The following CELF2 variants were observed in gnomAD, a reference collection of about 807,000 sequenced individuals.
CELF2 encodes the protein CUGBP Elav-like family member 2, also known as CUG triplet repeat RNA-binding protein 2.
In CELF2, 8 loss-of-function variants were observed where a neutral mutation model predicts 62.6. That is an observed-to-expected ratio of 0.13 (90% CI 0.07 to 0.23). CELF2 has a LOEUF of 0.23. CELF2 is among the 10% of genes least tolerant of loss of function. The probability of loss-of-function intolerance (pLI) is 1.00; values close to 1 mark genes in which losing one functional copy is unlikely to be tolerated. For synonymous variants in CELF2, 258 were observed against 250.0 expected (o/e 1.03, Z -0.30); for missense variants, 333 against 671.0 (o/e 0.50, Z 5.56).
Position 11,315,470 on chromosome 10 carries a change from G to C in CELF2, c.1096+1212G>C, listed in dbSNP as rs1056833295. 1.3e-5 allele frequency among the ~76,000 whole-genome samples: 2 copies of C among 152,168 alleles called. No homozygotes were observed. The highest frequency in any genetic ancestry group is 1.5e-5 in the Non-Finnish European group (1 of 68,030). Reference sequence around the variant, plus strand: ...ATACTGTAAAGGCTCGGAATACCTTGCACTGGACTTGGTAGAAAATGAACC... The same window carrying C: ...ATACTGTAAAGGCTCGGAATACCTTCCACTGGACTTGGTAGAAAATGAACC... On this transcript the variant is annotated intron_variant, in intron 10 of 12. Coordinates refer to ENST00000633077, the MANE Select transcript of CELF2 (RefSeq NM_001326342.2). This position sits in a 1 kb window ranked among gnomAD's most constrained non-coding sequence, Gnocchi z 5.8.
intron 2 of CELF2, among the ~76,000 whole-genome samples, chr10:10,952,996 C>G (rs2048488574): frequency 6.6e-6 from 1 of 152,100 alleles, no homozygotes; most frequent in Non-Finnish European, 1.5e-5. Context: ...TCAGATGTCT[C>G]CATAATGGAA....
At chr10:10,840,614 T>C (rs1050399764) in intron 1 of CELF2, among the ~76,000 whole-genome samples, 2 of 152,342 alleles carry the variant, frequency 1.3e-5, no homozygotes, top group Admixed American at 1.3e-4. Context: ...CTTTATCAGA[T>C]ACATATTTTG....
chr10:10,534,214 TAAAAA>T, the CELF2 span, among the ~76,000 whole-genome samples: 1 of 134,320 alleles, frequency 7.4e-6, no homozygotes, highest in South Asian at 2.4e-4. Context: ...GAGGAGTTGT[TAAAAA>T]AAAAAAAAAA....
At chr10:10,534,803 A>G in the CELF2 span, among the ~76,000 whole-genome samples, 1 of 152,220 alleles carries the variant, frequency 6.6e-6, no homozygotes, top group African/African-American at 2.4e-5. Flanking sequence ...GAATTGATGC[A>G]CTTTGAAAAA....
the CELF2 span, among the ~76,000 whole-genome samples, chr10:10,727,810 A>C: frequency 3.3e-5 from 5 of 152,098 alleles, no homozygotes; most frequent in African/African-American, 1.2e-4. Flanking sequence ...AAGAAAAGAA[A>C]ACAGAGTGTC....
chr10:11,035,446 G>A (rs1467316751), intron 1 of CELF2, among the ~76,000 whole-genome samples: 1 of 152,136 alleles, frequency 6.6e-6, no homozygotes, highest in Non-Finnish European at 1.5e-5. Flanking sequence ...TGGAAAGCTG[G>A]GATAGGCAGC....
Position 10,961,096 on chromosome 10 carries a change from G to A in CELF2, c.89+41097G>A, listed in dbSNP as rs188943509. ...ACTTCTTACAAGTAATATTTTTTGGGTCAGAAAAGGCCAAAGAATTAATTT... is the reference window on the plus strand; with the variant it reads ...ACTTCTTACAAGTAATATTTTTTGGATCAGAAAAGGCCAAAGAATTAATTT... On this transcript the variant is annotated intron_variant, in intron 2 of 13. Coordinates refer to the CELF2 transcript ENST00000636488. Among the ~76,000 whole-genome samples, 17 of 152,236 alleles carry A rather than the reference G, an allele frequency of 1.1e-4. No individual in the cohort carries two copies. In the East Asian group the frequency reaches 3.1e-3, roughly 28 times the overall value.
chr10:11,026,055 T>G (rs2059148097), intron 1 of CELF2, among the ~76,000 whole-genome samples: 1 of 126,568 alleles, frequency 7.9e-6, no homozygotes, highest in African/African-American at 2.6e-5. Flanking sequence ...CTTTTCAGAG[T>G]TAGAGTAGGA....
chr10:10,913,889 G>GGAAGGAA (rs2064074399), intron 1 of CELF2, among the ~76,000 whole-genome samples: 1 of 105,822 alleles, frequency 9.4e-6, no homozygotes, highest in African/African-American at 4.1e-5. Context: ...GAAGGAAGAA[G>GGAAGGAA]GAAGGGAGGG....
the CELF2 span, among the ~76,000 whole-genome samples, chr10:10,519,864 G>A: frequency 9.2e-5 from 14 of 152,290 alleles, no homozygotes; most frequent in South Asian, 2.1e-3. Flanking sequence ...AGTGCCAGAG[G>A]TGGTCTCACA....
At chr10:11,123,759 A>G (rs2058189534) in intron 1 of CELF2, among the ~76,000 whole-genome samples, 1 of 152,078 alleles carries the variant, frequency 6.6e-6, no homozygotes, top group Non-Finnish European at 1.5e-5. Context: ...ACAATCCAGT[A>G]AAGTCCTTCT....
chr10:10,736,792 G>C, the CELF2 span, among the ~76,000 whole-genome samples: 2 of 152,066 alleles, frequency 1.3e-5, no homozygotes, highest in African/African-American at 4.8e-5. Context: ...ACACAAAAAT[G>C]AGAACACCAA....
chr10:11,019,052 G>A (rs2057852775), intron 1 of CELF2, among the ~76,000 whole-genome samples: 2 of 152,168 alleles, frequency 1.3e-5, no homozygotes, highest in Admixed American at 1.3e-4. Flanking sequence ...CTAAGGTAGA[G>A]CGTTTATTGG....
At chr10:11,222,849 C>T (rs937454546) in intron 3 of CELF2, among the ~76,000 whole-genome samples, 18 of 152,162 alleles carry the variant, frequency 1.2e-4, no homozygotes, top group African/African-American at 1.4e-4. Flanking sequence ...AATGTAGATA[C>T]GTTATCACAT....
At chr10:10,904,204 G>A (rs929243504) in intron 1 of CELF2, among the ~76,000 whole-genome samples, 1 of 149,824 alleles carries the variant, frequency 6.7e-6, no homozygotes, top group Non-Finnish European at 1.5e-5. Context: ...CACGCAATAT[G>A]CCTTGTAATT....
At chr10:10,742,856 A>G in the CELF2 span, among the ~76,000 whole-genome samples, 7 of 152,334 alleles carry the variant, frequency 4.6e-5, no homozygotes, top group Non-Finnish European at 1.0e-4. Context: ...CTCTATTAAC[A>G]AAAGAAGAGA....
At chr10:10,785,909 T>C in the CELF2 span, among the ~76,000 whole-genome samples, 1 of 152,186 alleles carries the variant, frequency 6.6e-6, no homozygotes, top group Non-Finnish European at 1.5e-5. Context: ...GAATGCAAAG[T>C]ATGTGAGGTA....
the CELF2 span, among the ~76,000 whole-genome samples, chr10:10,787,226 T>TCACACACACACACACACACACACACA: frequency 9.0e-5 from 13 of 143,878 alleles, no homozygotes; most frequent in African/African-American, 3.3e-4. Context: ...AGGTTTGATG[T>TCACACACACACACACACACACACACA]CACACACACA....
chr10:10,641,000 T>A, the CELF2 span, among the ~76,000 whole-genome samples: 1 of 152,210 alleles, frequency 6.6e-6, no homozygotes, highest in East Asian at 1.9e-4. Context: ...TGATAAACCG[T>A]CTTTAAGGAA....
Sources: allele counts gnomAD v4.1 joint callset (sites outside exome capture counted in the v4.1 genomes callset), GRCh38; gene constraint gnomAD v4.1.1; non-coding constraint Gnocchi (gnomAD v3.1); transcripts MANE v1.5; gene names NCBI Gene and HGNC (gene_info 2026-07-23, HGNC 2026-07-21).